Variants in HS3ST4 observed in about 807,000 individuals in gnomAD.
HS3ST4 encodes the protein heparan sulfate-glucosamine 3-sulfotransferase 4, also known as heparan sulfate glucosamine 3-O-sulfotransferase 4.
Under a neutral mutation model 29.2 loss-of-function variants are expected in HS3ST4, and 17 were observed. The ratio of observed to expected loss-of-function variants is 0.58; its 90% CI spans 0.40 to 0.87. The LOEUF is 0.87. Ranked by LOEUF, HS3ST4 falls within the 40% of genes least tolerant of loss-of-function variation. The pLI is 0.00. For missense variants in HS3ST4, 627 were observed against 634.5 expected, an observed-to-expected ratio of 0.99 and a Z score of 0.13; for synonymous variants, 314 against 285.7, an observed-to-expected ratio of 1.10 and a Z score of -1.00.
At chr16:25,911,809 C>T (rs993145805) in intron 1 of HS3ST4, among the ~76,000 whole-genome samples, 6 of 151,968 alleles carry the variant, frequency 3.9e-5, no homozygotes, top group East Asian at 1.9e-4. Flanking sequence ...GTGCCTGACT[C>T]GGATTTTGTT....
intron 1 of HS3ST4, among the ~76,000 whole-genome samples, chr16:25,961,667 T>C (rs1226446900): frequency 6.6e-6 from 1 of 152,140 alleles, no homozygotes; most frequent in African/African-American, 2.4e-5. Context: ...AGTTCAAACA[T>C]AGGAGTCCCA....
intron 1 of HS3ST4, among the ~76,000 whole-genome samples, chr16:25,950,534 T>A (rs1309262790): frequency 6.6e-6 from 1 of 152,146 alleles, no homozygotes; most frequent in Non-Finnish European, 1.5e-5. Context: ...AGTGTCAGAC[T>A]GCTTGTTTAA....
intron 1 of HS3ST4, among the ~76,000 whole-genome samples, chr16:25,981,031 A>G (rs1194993459): frequency 6.6e-6 from 1 of 152,132 alleles, no homozygotes. Context: ...GGATAGAGGA[A>G]TAGTGGCTTG....
chr16:25,955,515 A>G (rs1268310786), intron 1 of HS3ST4, among the ~76,000 whole-genome samples: 2 of 152,210 alleles, frequency 1.3e-5, no homozygotes, highest in African/African-American at 2.4e-5. Flanking sequence ...ATTTCCCAGT[A>G]GGAACCTTTA....
chr16:25,832,856 ACT>A (rs1967318574), intron 1 of HS3ST4, among the ~76,000 whole-genome samples: 2 of 152,210 alleles, frequency 1.3e-5, no homozygotes, highest in East Asian at 1.9e-4. Context: ...TGCAGCAAAG[ACT>A]CTCTCAATAT....
intron 1 of HS3ST4, among the ~76,000 whole-genome samples, chr16:25,918,030 G>A (rs368914510): frequency 6.6e-6 from 1 of 152,236 alleles, no homozygotes; most frequent in East Asian, 1.9e-4. Flanking sequence ...TAGGGTGGGG[G>A]GGAGCATCGT....
intron 1 of HS3ST4, among the ~76,000 whole-genome samples, chr16:25,897,710 C>T (rs972431366): frequency 2.6e-5 from 4 of 152,092 alleles, no homozygotes; most frequent in African/African-American, 9.7e-5. Flanking sequence ...TCTTCTCTCC[C>T]CCTCGTTCTG....
chr16:25,747,818 A>G (rs1056162487), intron 1 of HS3ST4, among the ~76,000 whole-genome samples: 1 of 152,190 alleles, frequency 6.6e-6, no homozygotes, highest in Admixed American at 6.5e-5. Flanking sequence ...AGCAAACTCA[A>G]CAATCCTGGG....
intron 1 of HS3ST4, among the ~76,000 whole-genome samples, chr16:25,828,725 A>G (rs570133656): frequency 1.3e-5 from 2 of 152,154 alleles, no homozygotes; most frequent in East Asian, 3.9e-4. Flanking sequence ...AACATACTTG[A>G]GGTTCAGCTC....
chr16:25,879,326 C>A (rs140056347), intron 1 of HS3ST4, among the ~76,000 whole-genome samples: 1 of 152,026 alleles, frequency 6.6e-6, no homozygotes, highest in Non-Finnish European at 1.5e-5. Flanking sequence ...TGTATTAGTC[C>A]GTTTTCATGT....
intron 1 of HS3ST4, among the ~76,000 whole-genome samples, chr16:26,135,337 C>G (rs1898266745): frequency 6.6e-6 from 1 of 152,060 alleles, no homozygotes; most frequent in African/African-American, 2.4e-5. Context: ...AAGGGTGTAT[C>G]TAGGTTAAAC....
chr16:26,008,289 T>A (rs73525649), intron 1 of HS3ST4, among the ~76,000 whole-genome samples: 7,030 of 152,112 alleles, frequency 0.046, 592 homozygotes, highest in African/African-American at 0.16. Context: ...ACTTGGAGAT[T>A]TATTGGGGGG....
At chr16:25,988,621 A>G (rs560643673) in intron 1 of HS3ST4, among the ~76,000 whole-genome samples, 221 of 152,294 alleles carry the variant, frequency 1.5e-3, no homozygotes, top group Non-Finnish European at 2.6e-3. Context: ...ACAGAACACC[A>G]AATACCACAT....
chr16:26,095,433 C>A (rs12928178), intron 1 of HS3ST4, among the ~76,000 whole-genome samples: 68,331 of 151,960 alleles, frequency 0.45, 16,024 homozygotes, highest in Non-Finnish European at 0.51. Flanking sequence ...ACCACAGTGC[C>A]ATCAAGTTAG....
intron 1 of HS3ST4, among the ~76,000 whole-genome samples, chr16:25,734,254 T>C (rs1966591316): frequency 6.6e-6 from 1 of 152,258 alleles, no homozygotes; most frequent in Non-Finnish European, 1.5e-5. Flanking sequence ...GAAATCTGAA[T>C]TTTTATATGA....
chr16:26,003,884 C>T (rs578090838), intron 1 of HS3ST4, among the ~76,000 whole-genome samples: 154 of 152,198 alleles, frequency 1.0e-3, no homozygotes, highest in South Asian at 2.1e-3. Context: ...TGTGCTGGTG[C>T]CTGGTGCCTC....
chr16:25,705,535 C>T (rs1489116504), intron 1 of HS3ST4, among the ~76,000 whole-genome samples: 2 of 151,898 alleles, frequency 1.3e-5, no homozygotes, highest in Non-Finnish European at 2.9e-5. Context: ...CGTGGTGGCA[C>T]GCACCTGTAG....
chr16:26,058,058 TTGAA>T (rs1365763028), intron 1 of HS3ST4, among the ~76,000 whole-genome samples: 1 of 152,180 alleles, frequency 6.6e-6, no homozygotes, highest in African/African-American at 2.4e-5. Flanking sequence ...AGGAGTCAGA[TTGAA>T]TGGTGCCAAT....
intron 1 of HS3ST4, among the ~76,000 whole-genome samples, chr16:25,878,622 A>T (rs1229118710): frequency 6.6e-6 from 1 of 152,146 alleles, no homozygotes; most frequent in African/African-American, 2.4e-5. Flanking sequence ...CTGCTTCCCC[A>T]TTAAGGACTT....
Sources: gnomAD v4.1 joint callset for allele counts (sites outside exome capture counted in the v4.1 genomes callset) on GRCh38, gnomAD v4.1.1 for gene constraint, MANE v1.5 for transcripts, NCBI Gene and HGNC (gene_info 2026-07-23, HGNC 2026-07-21) for gene names.